BTRC: variants seen among roughly 807,000 people sequenced by gnomAD.
BTRC encodes beta-transducin repeat containing E3 ubiquitin protein ligase.
In BTRC, 42 loss-of-function variants were observed where a neutral mutation model predicts 85.5. The ratio of observed to expected loss-of-function variants is 0.49; its 90% CI spans 0.38 to 0.64. The LOEUF (loss-of-function observed/expected upper bound fraction) is 0.64. BTRC is among the 30% of genes least tolerant of loss of function. The pLI, the probability that BTRC is intolerant of heterozygous loss-of-function variation, is 0.00. For missense variants in BTRC, 594 were observed against 743.5 expected (o/e 0.80, Z 2.34); for synonymous variants, 255 against 263.3 (o/e 0.97, Z 0.30).
In BTRC at chr10:101,403,414, A is replaced by G. The variant is rs566159132; in HGVS notation, c.49-26931A>G. 2.1e-3 allele frequency among the ~76,000 whole-genome samples: 322 copies of G among 152,228 alleles called. 3 individuals carry two copies. Among genetic ancestry groups the G allele is most frequent in the African/African-American group, 7.2e-3 (299 of 41,534 alleles). On this transcript the variant is annotated intron_variant, in intron 1 of 14. Coordinates refer to ENST00000370187, the MANE Select transcript of BTRC (RefSeq NM_033637.4). ...TAAATCCTACTTAGTCATGGTGTAT[A>G]TTCCTTTTTCTGTGTTGCTGGATTT...
chr10:101,486,710 A>G (rs531111413), intron 4 of BTRC, among the ~76,000 whole-genome samples: 2 of 152,326 alleles, frequency 1.3e-5, no homozygotes, highest in African/African-American at 4.8e-5. Context: ...TAAAATGGTC[A>G]TACTCAAGAC....
chr10:101,411,589 TA>T (rs1361137097), intron 1 of BTRC, among the ~76,000 whole-genome samples: 2 of 152,198 alleles, frequency 1.3e-5, no homozygotes, highest in South Asian at 4.1e-4. Flanking sequence ...TTCATGAAAT[TA>T]TCATTTCAAA....
At chr10:101,437,071 C>T (rs1007929566) in intron 2 of BTRC, among the ~76,000 whole-genome samples, 1 of 152,160 alleles carries the variant, frequency 6.6e-6, no homozygotes, top group African/African-American at 2.4e-5. Flanking sequence ...CTGATACCCT[C>T]TCTATTGTAT....
intron 1 of BTRC, among the ~76,000 whole-genome samples, chr10:101,408,602 GGC>G (rs532564647): frequency 2.2e-4 from 33 of 152,088 alleles, no homozygotes; most frequent in Non-Finnish European, 4.0e-4. Context: ...CACTGGGCCT[GGC>G]CCTTTTTGCC....
At chr10:101,534,515 A>C in intron 9 of BTRC, 146 bp from the exon 10 acceptor site, 1 of 1,052,986 alleles carries the variant, frequency 9.5e-7, no homozygotes, top group Non-Finnish European at 1.4e-6. Flanking sequence ...TTAAGGACAC[A>C]CTGGCAGCAT....
chr10:101,547,209 T>C (rs1040544892), intron 13 of BTRC, among the ~76,000 whole-genome samples: 12 of 152,266 alleles, frequency 7.9e-5, no homozygotes, highest in African/African-American at 2.6e-4. Context: ...TTTAAACTAT[T>C]TGATTCATGC....
chr10:101,509,340 C>T (rs1326518123), intron 4 of BTRC, among the ~76,000 whole-genome samples: 110 of 142,538 alleles, frequency 7.7e-4, no homozygotes, highest in African/African-American at 2.6e-3. Flanking sequence ...CTGCAAGCTC[C>T]GCCTCCCGGG....
At chr10:101,523,190 C>T (rs1192062887) in intron 5 of BTRC, among the ~76,000 whole-genome samples, 2 of 151,764 alleles carry the variant, frequency 1.3e-5, no homozygotes, top group African/African-American at 2.4e-5. Context: ...GGCGACAGGG[C>T]GAGACTCCAT....
intron 13 of BTRC, among the ~76,000 whole-genome samples, chr10:101,548,704 A>T (rs2062597908): frequency 1.3e-5 from 2 of 152,008 alleles, no homozygotes; most frequent in African/African-American, 4.8e-5. Flanking sequence ...GTGAGCCGAG[A>T]TTGCACCACT....
intron 8 of BTRC, among the ~76,000 whole-genome samples, chr10:101,532,736 A>G (rs2134413319): frequency 6.7e-6 from 1 of 148,968 alleles, no homozygotes. Flanking sequence ...AGTTTGCATT[A>G]GTACTGAAGC....
intron 2 of BTRC, among the ~76,000 whole-genome samples, chr10:101,447,045 C>A (rs933249723): frequency 6.6e-6 from 1 of 151,980 alleles, no homozygotes; most frequent in Non-Finnish European, 1.5e-5. Context: ...AGCTAGTGTT[C>A]GCGTGCAGGT....
At chr10:101,406,069 GT>G (rs1943611700) in intron 1 of BTRC, among the ~76,000 whole-genome samples, 1 of 151,642 alleles carries the variant, frequency 6.6e-6, no homozygotes, top group Non-Finnish European at 1.5e-5. Context: ...TTAGTTCTGA[GT>G]TTTTTGCTTA....
chr10:101,485,924 C>T (rs148550587), intron 4 of BTRC, among the ~76,000 whole-genome samples: 192 of 152,302 alleles, frequency 1.3e-3, no homozygotes, highest in Non-Finnish European at 2.4e-3. Context: ...TGTCGGATCA[C>T]CCGCACAGAG....
chr10:101,385,013 A>C (rs1313932770), intron 1 of BTRC, among the ~76,000 whole-genome samples: 2 of 152,084 alleles, frequency 1.3e-5, no homozygotes, highest in East Asian at 3.9e-4. Flanking sequence ...GCTTGAGGCC[A>C]GGAGTTTGAG....
chr10:101,431,892 G>T (rs1487287383), intron 2 of BTRC, among the ~76,000 whole-genome samples: 1 of 152,014 alleles, frequency 6.6e-6, no homozygotes, highest in Non-Finnish European at 1.5e-5. Flanking sequence ...TATACTATGA[G>T]ATACAATATA....
intron 1 of BTRC, among the ~76,000 whole-genome samples, chr10:101,409,078 A>C (rs1049296243): frequency 2.6e-5 from 4 of 152,158 alleles, no homozygotes; most frequent in Admixed American, 6.5e-5. Flanking sequence ...AAAAAAAGCC[A>C]CACAAAACAT....
At chr10:101,440,042 A>G (rs947352558) in intron 2 of BTRC, among the ~76,000 whole-genome samples, 1 of 152,208 alleles carries the variant, frequency 6.6e-6, no homozygotes, top group African/African-American at 2.4e-5. Context: ...ATATTTTTTT[A>G]ATGTGGAAAA....
chr10:101,480,248 A>G (rs1945799567), intron 4 of BTRC, among the ~76,000 whole-genome samples: 3 of 152,176 alleles, frequency 2.0e-5, no homozygotes, highest in African/African-American at 7.2e-5. Flanking sequence ...CTATTTTATT[A>G]TAGATCCAGG....
At chr10:101,503,224 T>C (rs1381907386) in intron 4 of BTRC, among the ~76,000 whole-genome samples, 1 of 152,184 alleles carries the variant, frequency 6.6e-6, no homozygotes, top group African/African-American at 2.4e-5. Context: ...TGTGGCACTT[T>C]GAGTCTCAGT....
Sources: allele counts gnomAD v4.1 joint callset (sites outside exome capture counted in the v4.1 genomes callset), GRCh38; gene constraint gnomAD v4.1.1; transcripts MANE v1.5; gene names NCBI Gene and HGNC (gene_info 2026-07-23, HGNC 2026-07-21).